EGLN1: variants seen among roughly 807,000 people sequenced by gnomAD.
EGLN1 encodes the protein egl-9 family hypoxia inducible factor 1.
EGLN1 carries 17 observed loss-of-function variants against 38.3 expected under a neutral mutation model. That is an observed-to-expected ratio of 0.44 (90% CI 0.30 to 0.67). The LOEUF is 0.67. Among genes scored for constraint, EGLN1 ranks in the 30% least tolerant of loss-of-function variants. The pLI, the probability that EGLN1 is intolerant of heterozygous loss-of-function variation, is 0.08. For missense variants in EGLN1, 477 were observed against 603.3 expected, an observed-to-expected ratio of 0.79 and a Z score of 2.19; for synonymous variants, 283 against 257.5, an observed-to-expected ratio of 1.10 and a Z score of -0.95.
At chr1:231,381,605 C>T (rs1558382850) in intron 1 of EGLN1, among the ~76,000 whole-genome samples, 1 of 152,092 alleles carries the variant, frequency 6.6e-6, no homozygotes, top group Non-Finnish European at 1.5e-5. Flanking sequence ...TATGATGCTC[C>T]CGACAGTATA....
At position 231,366,015 on chromosome 1, in the gene EGLN1, T is replaced by C. The variant is rs1227396980; in HGVS notation, c.*396A>G. The C allele has an allele frequency of 1.4e-5, 3 of 207,748 alleles. No individual in the cohort carries two copies. The highest frequency in any genetic ancestry group is 2.9e-5 in the Non-Finnish European group (3 of 101,982). The allele number at this position is 207,748 out of a possible 1,614,324, so 12.9% of individuals were successfully genotyped here. ...TAATTTTTTCTCAATTCAGTTTAGA[T>C]AAATTGTACCTAATATAGAAAAATT... On this transcript the variant is annotated 3_prime_UTR_variant, in exon 5 of 5. Transcript: ENST00000366641.
chr1:231,371,970 T>C (rs958573307), intron 2 of EGLN1, among the ~76,000 whole-genome samples: 1 of 152,202 alleles, frequency 6.6e-6, no homozygotes, highest in Admixed American at 6.5e-5. Flanking sequence ...GGTTCCAGTG[T>C]TGTTCAGAGT....
intron 1 of EGLN1, among the ~76,000 whole-genome samples, chr1:231,400,449 C>A (rs749215037): frequency 1.3e-5 from 2 of 152,116 alleles, no homozygotes; most frequent in Non-Finnish European, 2.9e-5. Context: ...AACTATGACA[C>A]CCTCTGCATA....
At chr1:231,414,983 C>G (rs1029863092) in intron 1 of EGLN1, among the ~76,000 whole-genome samples, 26 of 152,028 alleles carry the variant, frequency 1.7e-4, no homozygotes, top group African/African-American at 6.3e-4. Context: ...ATCCGCCCAC[C>G]CTGGCCTCCC....
chr1:231,403,988 A>G (rs1336253732), intron 1 of EGLN1, among the ~76,000 whole-genome samples: 2 of 152,030 alleles, frequency 1.3e-5, no homozygotes, highest in African/African-American at 4.8e-5. Context: ...CATTTCCTCA[A>G]TTCCTTATTT....
intron 1 of EGLN1, among the ~76,000 whole-genome samples, chr1:231,406,926 C>A (rs999318702): frequency 6.6e-6 from 1 of 152,088 alleles, no homozygotes; most frequent in Non-Finnish European, 1.5e-5. Flanking sequence ...CCCAAAATTT[C>A]TTTATTCAAG....
intron 1 of EGLN1, among the ~76,000 whole-genome samples, chr1:231,392,774 C>T (rs1174845177): frequency 2.0e-5 from 3 of 152,226 alleles, no homozygotes; most frequent in Non-Finnish European, 4.4e-5. Flanking sequence ...TCTTTATCTT[C>T]ATCCTCAAGC....
chr1:231,394,193 T>C (rs1038155763), intron 1 of EGLN1, among the ~76,000 whole-genome samples: 16 of 152,200 alleles, frequency 1.1e-4, no homozygotes, highest in African/African-American at 2.7e-4. Context: ...CCCAAGCTAC[T>C]AGCACCACTG....
chr1:231,379,494 AT>A (rs1688030862), intron 1 of EGLN1, among the ~76,000 whole-genome samples: 1 of 152,246 alleles, frequency 6.6e-6, no homozygotes, highest in South Asian at 2.1e-4. Flanking sequence ...TTTAAGAAAG[AT>A]TAATAAAAAC....
At chr1:231,413,889 G>C (rs1243309973) in intron 1 of EGLN1, among the ~76,000 whole-genome samples, 1 of 152,096 alleles carries the variant, frequency 6.6e-6, no homozygotes. Flanking sequence ...AAACTTTATG[G>C]GGATCTCAAG....
Position 231,421,835 on chromosome 1 carries a change from C to T in EGLN1, c.54G>A (p.Arg18=). 6.6e-7 allele frequency: 1 copy of T among 1,524,576 alleles called. No individual in the cohort carries two copies. The highest frequency in any genetic ancestry group is 8.7e-7 in the Non-Finnish European group (1 of 1,146,178). The allele number at this position is 1,524,576 out of a possible 1,614,324, so 94.4% of individuals were successfully genotyped here. A position where few individuals can be genotyped will look rare whatever the true frequency, so the allele number is the denominator to read the frequency against. ...PGGPSPSERD[R]QYCELCGKME... is the part of the protein sequence containing the mutation. ...TCTTCCCGCACAGCTCGCAGTACTGCCGGTCTCGCTCGCTCGGGCTCGGCC... is the reference window on the plus strand; with the variant it reads ...TCTTCCCGCACAGCTCGCAGTACTGTCGGTCTCGCTCGCTCGGGCTCGGCC... The change falls in exon 1 of 5, where the codon CGG becomes CGA. Residue 18 remains arginine (R), a synonymous_variant. Transcript: ENST00000366641. This position sits in a 1 kb window ranked among gnomAD's most constrained non-coding sequence, Gnocchi z 5.5.
chr1:231,396,436 T>C (rs560095618), intron 1 of EGLN1, among the ~76,000 whole-genome samples: 1 of 152,206 alleles, frequency 6.6e-6, no homozygotes, highest in African/African-American at 2.4e-5. Flanking sequence ...GTACTTTTAG[T>C]AGAGACGGGG....
At chr1:231,378,548 G>A (rs1249542140) in intron 1 of EGLN1, among the ~76,000 whole-genome samples, 3 of 151,990 alleles carry the variant, frequency 2.0e-5, no homozygotes, top group Non-Finnish European at 2.9e-5. Context: ...TGCCTGCCTC[G>A]GCCTCCCAAA....
chr1:231,394,545 A>ATT (rs59597792), intron 1 of EGLN1, among the ~76,000 whole-genome samples: 17 of 141,406 alleles, frequency 1.2e-4, no homozygotes, highest in South Asian at 4.6e-4. Flanking sequence ...CGCCCGACTA[A>ATT]TTTTTTTTTT....
chr1:231,412,008 T>C (rs958635414), intron 1 of EGLN1, among the ~76,000 whole-genome samples: 9 of 36,824 alleles, frequency 2.4e-4, no homozygotes, highest in African/African-American at 1.1e-3. Flanking sequence ...TGAGACTCCA[T>C]CTCAAAAAAA....
Position 231,421,989 on chromosome 1 carries a change from G to A in EGLN1, c.-101C>T. 5 of 1,227,392 alleles carry A rather than the reference G, an allele frequency of 4.1e-6. No homozygotes were observed. The highest frequency in any genetic ancestry group is 3.3e-5 in the East Asian group (1 of 30,302). 76.0% of individuals were successfully genotyped at this position (1,227,392 alleles called of 1,614,324 possible). On this transcript the variant is annotated 5_prime_UTR_variant, in exon 1 of 5. Transcript: ENST00000366641. The surrounding 1 kb of genome is among the most constrained non-coding windows in gnomAD (Gnocchi z 5.5). ...CTGGGGAGCGGGGAGAGAGATAGGG[G>A]CCGTTACTGCGCCATGCACCCGCTA... is the stretch of plus-strand genomic sequence containing the variant.
chr1:231,399,110 T>C (rs1037434966), intron 1 of EGLN1, among the ~76,000 whole-genome samples: 2 of 152,126 alleles, frequency 1.3e-5, no homozygotes, highest in Non-Finnish European at 2.9e-5. Flanking sequence ...GAAATAGAGT[T>C]AGGCATCAAC....
At chr1:231,393,173 G>A (rs1373593050) in intron 1 of EGLN1, among the ~76,000 whole-genome samples, 2 of 146,534 alleles carry the variant, frequency 1.4e-5, no homozygotes, top group African/African-American at 4.9e-5. Flanking sequence ...GAAAAGCTGA[G>A]AGATCAAGTT....
At chr1:231,387,055 C>T (rs113177366) in intron 1 of EGLN1, among the ~76,000 whole-genome samples, 116 of 151,632 alleles carry the variant, frequency 7.7e-4, no homozygotes, top group African/African-American at 2.6e-3. Flanking sequence ...GATGAGGTCT[C>T]GCTATGTTGC....
Sources: gnomAD v4.1 joint callset for allele counts (sites outside exome capture counted in the v4.1 genomes callset) on GRCh38, gnomAD v4.1.1 for gene constraint, Gnocchi (gnomAD v3.1) non-coding constraint, MANE v1.5 for transcripts, NCBI Gene and HGNC (gene_info 2026-07-23, HGNC 2026-07-21) for gene names.